Variants in FAM135B observed in about 807,000 individuals in gnomAD.
FAM135B encodes the protein family with sequence similarity 135 member B.
In FAM135B, 43 loss-of-function variants were observed where a neutral mutation model predicts 127.7. The ratio of observed to expected loss-of-function variants is 0.34; its 90% confidence interval spans 0.26 to 0.43. The LOEUF (loss-of-function observed/expected upper bound fraction) is 0.43. Among genes scored for constraint, FAM135B ranks in the 20% least tolerant of loss-of-function variants. The pLI, the probability that FAM135B is intolerant of heterozygous loss-of-function variation, is 1.00. For missense variants in FAM135B, 1,558 were observed against 1,725.6 expected, an observed-to-expected ratio of 0.90 and a Z score of 1.72; for synonymous variants, 670 against 665.1, an observed-to-expected ratio of 1.01 and a Z score of -0.11.
At chr8:138,177,448 C>T (rs894471319) in intron 10 of FAM135B, 28 bp from the exon 11 acceptor site, 1 of 1,587,678 alleles carries the variant, frequency 6.3e-7, no homozygotes, top group Admixed American at 1.7e-5. Context: ...GTAAACAGTT[C>T]AATTCTTTAG....
chr8:138,307,229 A>C (rs1489267544), intron 3 of FAM135B, among the ~76,000 whole-genome samples: 2 of 152,160 alleles, frequency 1.3e-5, no homozygotes, highest in East Asian at 3.9e-4. Context: ...CTGAGTTTTA[A>C]AAAGAGGAGT....
chr8:138,275,600 T>C (rs771088186), intron 3 of FAM135B, among the ~76,000 whole-genome samples: 1 of 152,024 alleles, frequency 6.6e-6, no homozygotes, highest in African/African-American at 2.4e-5. Flanking sequence ...AAAGCTGAGG[T>C]TGGAAGATCT....
chr8:138,354,627 A>G (rs927659748), intron 2 of FAM135B, among the ~76,000 whole-genome samples: 1 of 152,134 alleles, frequency 6.6e-6, no homozygotes, highest in Admixed American at 6.6e-5. Flanking sequence ...TGAGTTCACA[A>G]TTGTGTCTTT....
At chr8:138,252,644 T>C (rs1331412788) in intron 5 of FAM135B, among the ~76,000 whole-genome samples, 1 of 152,078 alleles carries the variant, frequency 6.6e-6, no homozygotes, top group African/African-American at 2.4e-5. Flanking sequence ...GTCTCTAAGC[T>C]CTGAAATGAT....
At chr8:138,337,399 C>T (rs1167445224) in intron 2 of FAM135B, among the ~76,000 whole-genome samples, 3 of 152,120 alleles carry the variant, frequency 2.0e-5, no homozygotes, top group East Asian at 3.9e-4. Context: ...TGATAGTCAA[C>T]TTCAGCAAAG....
At chr8:138,223,653 T>G (rs1473119022) in intron 7 of FAM135B, among the ~76,000 whole-genome samples, 1 of 152,200 alleles carries the variant, frequency 6.6e-6, no homozygotes, top group Non-Finnish European at 1.5e-5. Context: ...GCCAAGACTC[T>G]AAGTTCATTG....
intron 5 of FAM135B, 100 bp from the exon 6 acceptor site, chr8:138,251,114 G>T: frequency 7.5e-7 from 1 of 1,331,088 alleles, no homozygotes; most frequent in Non-Finnish European, 1.0e-6. Context: ...CAAGCACCAT[G>T]CATACATCAT....
Position 138,226,184 on chromosome 8 carries a change from T to TGTGTGTGTGTGCGCGCGC in FAM135B, c.669+16757_669+16758insGCGCGCGCACACACACAC. 6.9e-3 allele frequency among the ~76,000 whole-genome samples: 961 copies of TGTGTGTGTGTGCGCGCGC among 139,248 alleles called. 10 individuals carry two copies. The highest frequency in any genetic ancestry group is 0.017 in the African/African-American group (649 of 37,280). 91.4% of individuals were successfully genotyped at this position (139,248 alleles called of 152,430 possible). ...GTGTGTGTGTGTGTGTGTGTGTGTG[T>TGTGTGTGTGTGCGCGCGC]GCGCGCATGTCATTTTTTTTTTCAT... On this transcript the variant is annotated intron_variant, in intron 7 of 19. Coordinates refer to ENST00000395297, the MANE Select transcript of FAM135B (RefSeq NM_015912.4).
At chr8:138,351,140 C>A (rs922019481) in intron 2 of FAM135B, among the ~76,000 whole-genome samples, 3 of 152,192 alleles carry the variant, frequency 2.0e-5, no homozygotes, top group Admixed American at 2.0e-4. Flanking sequence ...GTTCCCTCTA[C>A]ACAAAACTAG....
chr8:138,163,748 A>G (rs1819637611), intron 12 of FAM135B, among the ~76,000 whole-genome samples: 1 of 152,166 alleles, frequency 6.6e-6, no homozygotes, highest in African/African-American at 2.4e-5. Context: ...TATCAACAGC[A>G]TGAGAACATA....
chr8:138,373,302 C>A (rs1324062984), intron 1 of FAM135B, among the ~76,000 whole-genome samples: 1 of 151,976 alleles, frequency 6.6e-6, no homozygotes, highest in Admixed American at 6.6e-5. Flanking sequence ...TTTATAATTT[C>A]TTATGCCTGT....
chr8:138,319,319 C>G (rs923336615), intron 2 of FAM135B, among the ~76,000 whole-genome samples: 1 of 152,132 alleles, frequency 6.6e-6, no homozygotes, highest in African/African-American at 2.4e-5. Context: ...GTTGGCCAGA[C>G]TGGTCTTGAA....
At chr8:138,461,480 C>G (rs1428308896) in intron 1 of FAM135B, among the ~76,000 whole-genome samples, 1 of 152,170 alleles carries the variant, frequency 6.6e-6, no homozygotes. Context: ...TAAATTACCA[C>G]AAACATATTT....
At chr8:138,178,833 ACTCATAG>A in intron 9 of FAM135B, 143 bp from the exon 10 acceptor site, 1 of 643,790 alleles carries the variant, frequency 1.6e-6, no homozygotes, top group Non-Finnish European at 2.6e-6. Context: ...ATATATTACA[ACTCATAG>A]TACTATAGGA....
At chr8:138,409,244 C>A (rs532838038) in intron 1 of FAM135B, among the ~76,000 whole-genome samples, 1 of 152,076 alleles carries the variant, frequency 6.6e-6, no homozygotes, top group South Asian at 2.1e-4. Flanking sequence ...TTAGGGAGGG[C>A]CAACGAGAGG....
At chr8:138,137,955 A>C (rs1816802280) in intron 18 of FAM135B, among the ~76,000 whole-genome samples, 1 of 152,200 alleles carries the variant, frequency 6.6e-6, no homozygotes, top group Admixed American at 6.5e-5. Flanking sequence ...GGCGGCTGTC[A>C]GCTCTTAGCT....
intron 1 of FAM135B, among the ~76,000 whole-genome samples, chr8:138,477,005 T>G (rs1025528449): frequency 6.6e-6 from 1 of 152,156 alleles, no homozygotes; most frequent in African/African-American, 2.4e-5. Context: ...GGAGTTCTTG[T>G]GAGAGAGAAA....
Position 138,146,884 on chromosome 8 carries a change from T to C in FAM135B, c.3449-834A>G, listed in dbSNP as rs140144457. 8.5e-5 allele frequency among the ~76,000 whole-genome samples: 13 copies of C among 152,330 alleles called. No homozygotes were observed. In the East Asian group the frequency reaches 2.1e-3, roughly 25 times the overall value. ...GATATATAAATTACCTACTTTGTCA[T>C]GTAAATATACCCCACAGGTCATAGT... is the stretch of plus-strand genomic sequence containing the variant. On this transcript the variant is annotated intron_variant, in intron 14 of 19. Coordinates refer to ENST00000395297, the MANE Select transcript of FAM135B (RefSeq NM_015912.4).
chr8:138,481,307 T>TA (rs1224166772), intron 1 of FAM135B, among the ~76,000 whole-genome samples: 1 of 152,262 alleles, frequency 6.6e-6, no homozygotes, highest in African/African-American at 2.4e-5. Context: ...ATAGTCTTGT[T>TA]ATCTCCATTT....
Sources: allele counts gnomAD v4.1 joint callset (sites outside exome capture counted in the v4.1 genomes callset), GRCh38; gene constraint gnomAD v4.1.1; transcripts MANE v1.5; gene names NCBI Gene and HGNC (gene_info 2026-07-23, HGNC 2026-07-21).